BRAF: variants seen among roughly 807,000 people sequenced by gnomAD.
The protein encoded by BRAF is serine/threonine-protein kinase B-raf.
Under a neutral mutation model 104.6 loss-of-function variants are expected in BRAF, and 16 were observed. The observed-to-expected ratio is 0.15, with a 90% confidence interval of 0.10 to 0.23. The LOEUF (loss-of-function observed/expected upper bound fraction) is 0.23. Ranked by LOEUF, BRAF falls within the 10% of genes least tolerant of loss-of-function variation. The pLI is 1.00. For missense variants in BRAF, 541 were observed against 937.3 expected (o/e 0.58, Z 5.52); for synonymous variants, 310 against 341.6 (o/e 0.91, Z 1.02).
At chr7:140,859,824 A>T (rs1280557842) in intron 1 of BRAF, among the ~76,000 whole-genome samples, 1 of 151,688 alleles carries the variant, frequency 6.6e-6, no homozygotes, top group Non-Finnish European at 1.5e-5. Context: ...AGTAGCTGGG[A>T]CTACAGGTGC....
intron 14 of BRAF, among the ~76,000 whole-genome samples, chr7:140,768,470 G>A (rs1448959918): frequency 6.6e-6 from 1 of 152,068 alleles, no homozygotes; most frequent in East Asian, 1.9e-4. Flanking sequence ...CATGAGGAAT[G>A]CCCTCATGAA....
chr7:140,815,139 ATTTTTT>A (rs535513876), intron 3 of BRAF, among the ~76,000 whole-genome samples: 1 of 139,752 alleles, frequency 7.2e-6, no homozygotes, highest in African/African-American at 2.6e-5. Context: ...CATCAATTAC[ATTTTTT>A]TTTTTTTTTT....
chr7:140,830,562 C>CAA (rs1175378688), intron 3 of BRAF, among the ~76,000 whole-genome samples: 1 of 152,118 alleles, frequency 6.6e-6, no homozygotes, highest in African/African-American at 2.4e-5. Context: ...TTTGTTCCAA[C>CAA]AAGGTGAGTT....
chr7:140,752,860 GT>G (rs914830174), intron 16 of BRAF, among the ~76,000 whole-genome samples: 9 of 147,062 alleles, frequency 6.1e-5, no homozygotes, highest in Admixed American at 1.4e-4. Context: ...TTGCATACCT[GT>G]TTTTTTTTTC....
chr7:140,743,165 C>G (rs1226739232), intron 17 of BRAF, among the ~76,000 whole-genome samples: 2 of 151,492 alleles, frequency 1.3e-5, no homozygotes, highest in South Asian at 4.2e-4. Context: ...GTCAGTGTGG[C>G]GATTCCTCAG....
chr7:140,902,756 G>A (rs1815803394), intron 1 of BRAF, among the ~76,000 whole-genome samples: 1 of 152,106 alleles, frequency 6.6e-6, no homozygotes, highest in East Asian at 1.9e-4. Flanking sequence ...AACACAGTGA[G>A]ACCCTCTAAG....
At chr7:140,915,331 A>C (rs935593313) in intron 1 of BRAF, among the ~76,000 whole-genome samples, 11 of 152,276 alleles carry the variant, frequency 7.2e-5, no homozygotes, top group Admixed American at 6.5e-4. Context: ...TAAAACTATA[A>C]AGTAAAAATT....
At position 140,774,456 on chromosome 7, in the gene BRAF, C is replaced by A. The variant is rs190831188; in HGVS notation, c.1814+2456G>T. Among the ~76,000 whole-genome samples, 4 of 152,288 alleles carry A rather than the reference C, an allele frequency of 2.6e-5. No individual in the cohort carries two copies. In the East Asian group the frequency reaches 7.7e-4, roughly 29 times the overall value. On this transcript the variant is annotated intron_variant, in intron 14 of 19. Transcript: ENST00000644969. ...ATAATGTTCTTCTTTACTGTTACTT[C>A]TTGTCTTAATCCACCCACCTCGGCC...
At chr7:140,876,347 T>C (rs2129098806) in intron 1 of BRAF, among the ~76,000 whole-genome samples, 1 of 152,158 alleles carries the variant, frequency 6.6e-6, no homozygotes, top group Admixed American at 6.5e-5. Flanking sequence ...AACAGGTAAA[T>C]TAAAACAGAA....
chr7:140,725,688 A>G lies in BRAF; in HGVS notation c.*806T>C. 9.5e-7 allele frequency: 1 copy of G among 1,057,064 alleles called. No individual in the cohort carries two copies. Among genetic ancestry groups the G allele is most frequent in the African/African-American group, 1.7e-5 (1 of 59,426 alleles). 65.5% of individuals were successfully genotyped at this position (1,057,064 alleles called of 1,614,324 possible). A position where few individuals can be genotyped will look rare whatever the true frequency, so the allele number is the denominator to read the frequency against. On this transcript the variant is annotated 3_prime_UTR_variant, in exon 20 of 20. Coordinates refer to ENST00000644969, the MANE Select transcript of BRAF (RefSeq NM_001374258.1). ...AAACTGTATTTCCTGAGAATTTGCT[A>G]CATTGTGGAGGAAAAAAAAAAAACC...
At chr7:140,854,512 A>G (rs1172542193) in intron 1 of BRAF, among the ~76,000 whole-genome samples, 1 of 152,010 alleles carries the variant, frequency 6.6e-6, no homozygotes, top group African/African-American at 2.4e-5. Context: ...TCAATGTTCC[A>G]TAAAAACTCA....
At chr7:140,834,455 A>G in intron 3 of BRAF, 154 bp downstream of exon 3, 1 of 1,075,014 alleles carries the variant, frequency 9.3e-7, no homozygotes, top group Non-Finnish European at 1.3e-6. Flanking sequence ...AGACTTTGCC[A>G]CCAAATAATT....
chr7:140,763,862 A>G (rs1224419325), intron 14 of BRAF, among the ~76,000 whole-genome samples: 1 of 152,356 alleles, frequency 6.6e-6, no homozygotes, highest in Non-Finnish European at 1.5e-5. Context: ...GAATTCTACC[A>G]GAGATACAAG....
chr7:140,878,645 C>T (rs992086646), intron 1 of BRAF, among the ~76,000 whole-genome samples: 1 of 152,042 alleles, frequency 6.6e-6, no homozygotes, highest in African/African-American at 2.4e-5. Flanking sequence ...TACAAACATA[C>T]AACTGGACAG....
intron 1 of BRAF, among the ~76,000 whole-genome samples, chr7:140,853,814 T>C (rs1158625615): frequency 1.3e-5 from 2 of 152,152 alleles, no homozygotes; most frequent in African/African-American, 2.4e-5. Flanking sequence ...ACTATATATA[T>C]TTTACGTGTT....
intron 3 of BRAF, among the ~76,000 whole-genome samples, chr7:140,822,803 T>C (rs1805627678): frequency 6.6e-6 from 1 of 152,206 alleles, no homozygotes; most frequent in South Asian, 2.1e-4. Context: ...GTAGAAGGGC[T>C]GTGTGATATG....
chr7:140,830,149 T>C (rs1806559194), intron 3 of BRAF, among the ~76,000 whole-genome samples: 1 of 152,220 alleles, frequency 6.6e-6, no homozygotes. Context: ...CTGATTTGGC[T>C]TCAAGAATGA....
chr7:140,799,904 ATC>A, intron 7 of BRAF: 1 of 304,986 alleles, frequency 3.3e-6, no homozygotes, highest in Non-Finnish European at 6.2e-6. Flanking sequence ...ACTCAAAATG[ATC>A]TGTTGCATGA....
At chr7:140,875,090 T>C (rs1398461814) in intron 1 of BRAF, among the ~76,000 whole-genome samples, 2 of 152,188 alleles carry the variant, frequency 1.3e-5, no homozygotes, top group Non-Finnish European at 1.5e-5. Context: ...CTGTTCTTTA[T>C]AAATTACCTA....
Sources: allele counts gnomAD v4.1 joint callset (sites outside exome capture counted in the v4.1 genomes callset), GRCh38; gene constraint gnomAD v4.1.1; transcripts MANE v1.5; gene names NCBI Gene and HGNC (gene_info 2026-07-23, HGNC 2026-07-21).